SCGB2B2: variants seen among roughly 807,000 people sequenced by gnomAD.
SCGB2B2 encodes the protein secretoglobin family 2B member 2, also known as secretoglobin-like protein.
SCGB2B2 carries 11 observed loss-of-function variants against 7.6 expected under a neutral mutation model. The ratio of observed to expected loss-of-function variants is 1.45; its 90% CI spans 0.91 to 2.40. The LOEUF (loss-of-function observed/expected upper bound fraction) is 2.40, where lower values mean the gene tolerates loss of function less well. Ranked by LOEUF, SCGB2B2 falls within the 30% of genes most tolerant of loss-of-function variation. The pLI is 0.00. For missense variants in SCGB2B2, 104 were observed against 115.4 expected (o/e 0.90, Z 0.45); for synonymous variants, 50 against 48.6 (o/e 1.03, Z -0.12).
chr19:34,633,537 T>C (rs562078260), intron 1 of SCGB2B2, among the ~76,000 whole-genome samples: 18 of 152,272 alleles, frequency 1.2e-4, no homozygotes, highest in African/African-American at 4.1e-4. Flanking sequence ...TGTTATTCCA[T>C]TTATGTAAAG....
intron 1 of SCGB2B2, among the ~76,000 whole-genome samples, chr19:34,631,286 C>T (rs1268868907): frequency 6.6e-6 from 1 of 150,726 alleles, no homozygotes; most frequent in African/African-American, 2.4e-5. Context: ...AATTTGTAAA[C>T]TTTCTTAGAA....
Position 34,620,965 on chromosome 19 carries a change from T to A in SCGB2B2, c.-2031-24371A>T, listed in dbSNP as rs1183670779. 3.9e-5 allele frequency among the ~76,000 whole-genome samples: 6 copies of A among 152,314 alleles called. No individual in the cohort carries two copies. The East Asian group carries it at 1.2e-3, about 29-fold the overall frequency. On this transcript the variant is annotated intron_variant, in intron 1 of 3. Coordinates refer to ENST00000601241, the MANE Select transcript of SCGB2B2 (RefSeq NM_001025591.4). ...CAGTAATTATGTTTATGAGAATGTA[T>A]ACTGGGAAAACTTTCAAAATAAATT...
intron 1 of SCGB2B2, among the ~76,000 whole-genome samples, chr19:34,597,146 G>C (rs549549993): frequency 1.3e-5 from 2 of 152,070 alleles, no homozygotes; most frequent in South Asian, 2.1e-4. Context: ...ACTCACCTGT[G>C]ACTCCCATCA....
chr19:34,651,060 G>GT (rs1332867908), intron 1 of SCGB2B2, among the ~76,000 whole-genome samples: 1 of 151,220 alleles, frequency 6.6e-6, no homozygotes, highest in Non-Finnish European at 1.5e-5. Flanking sequence ...GTCCTTAATG[G>GT]TAAAAACTCT....
At chr19:34,635,407 A>G in intron 1 of SCGB2B2, 1 of 310,458 alleles carries the variant, frequency 3.2e-6, no homozygotes, top group East Asian at 8.9e-5. Context: ...CTTCTGCTGT[A>G]GGCTTTTCCA....
chr19:34,607,076 C>T (rs2065802052), intron 1 of SCGB2B2, among the ~76,000 whole-genome samples: 2 of 152,216 alleles, frequency 1.3e-5, no homozygotes, highest in Admixed American at 6.5e-5. Flanking sequence ...AGGCAACCAC[C>T]ATTCTACTCT....
rs937407546 is a variant in SCGB2B2 at position 34,656,102 on chromosome 19, C to T, written c.-2032+19528G>A. ...AAGGACATAGACAAAATGTTCTATGCAAGATATTGGCAAAGTGAATGAAAT... is the reference window on the plus strand; with the variant it reads ...AAGGACATAGACAAAATGTTCTATGTAAGATATTGGCAAAGTGAATGAAAT... On this transcript the variant is annotated intron_variant, in intron 1 of 3. Coordinates refer to ENST00000601241, the MANE Select transcript of SCGB2B2 (RefSeq NM_001025591.4). Among the ~76,000 whole-genome samples the T allele has an allele frequency of 4.6e-5, 7 of 151,184 alleles. 1 individual carries two copies. Among genetic ancestry groups the T allele is most frequent in the African/African-American group, 1.7e-4 (7 of 40,506 alleles).
chr19:34,659,091 C>A (rs912973533), intron 1 of SCGB2B2, among the ~76,000 whole-genome samples: 5 of 152,136 alleles, frequency 3.3e-5, no homozygotes, highest in Non-Finnish European at 5.9e-5. Context: ...ATTCATCAGC[C>A]TTTCATCCTA....
Position 34,658,771 on chromosome 19 carries a change from T to C in SCGB2B2, c.-2032+16859A>G, listed in dbSNP as rs1190917538. Among the ~76,000 whole-genome samples, 7 of 124,740 alleles carry C rather than the reference T, an allele frequency of 5.6e-5. No homozygotes were observed. The East Asian group carries it at 1.4e-3, about 25-fold the overall frequency. 81.8% of individuals were successfully genotyped at this position (124,740 alleles called of 152,430 possible). On this transcript the variant is annotated intron_variant, in intron 1 of 3. Coordinates refer to ENST00000601241, the MANE Select transcript of SCGB2B2 (RefSeq NM_001025591.4). ...GTTTATGAGGCCAGCATCATCCTGA[T>C]ACCAAAGCCTGGCAGAGACACAACA...
intron 1 of SCGB2B2, among the ~76,000 whole-genome samples, chr19:34,642,904 A>G (rs867534204): frequency 6.6e-6 from 1 of 152,124 alleles, no homozygotes; most frequent in Non-Finnish European, 1.5e-5. Context: ...AAGGACAAAA[A>G]CCAACAGACG....
At chr19:34,587,709 T>C (rs149965912), downstream of SCGB2B2, among the ~76,000 whole-genome samples, 79 of 152,344 alleles carry the variant, frequency 5.2e-4, no homozygotes, top group African/African-American at 1.7e-3. Context: ...ACATTCCTTC[T>C]ATACTCAGTT....
intron 1 of SCGB2B2, among the ~76,000 whole-genome samples, chr19:34,619,892 A>C (rs139823076): frequency 6.6e-6 from 1 of 152,314 alleles, no homozygotes; most frequent in Non-Finnish European, 1.5e-5. Flanking sequence ...AAGCTTTGTA[A>C]CTCAACTGCA....
chr19:34,649,812 T>C (rs2067117556), intron 1 of SCGB2B2, among the ~76,000 whole-genome samples: 3 of 151,262 alleles, frequency 2.0e-5, no homozygotes, highest in African/African-American at 7.4e-5. Flanking sequence ...CCTGATGCCC[T>C]TGGGACCTGA....
intron 1 of SCGB2B2, among the ~76,000 whole-genome samples, chr19:34,671,769 T>C (rs2067808867): frequency 6.6e-6 from 1 of 152,238 alleles, no homozygotes; most frequent in Non-Finnish European, 1.5e-5. Flanking sequence ...TTGATCATTG[T>C]ATACAGAAGT....
intron 1 of SCGB2B2, among the ~76,000 whole-genome samples, chr19:34,653,445 T>C (rs952351843): frequency 1.2e-4 from 18 of 151,292 alleles, no homozygotes; most frequent in African/African-American, 4.2e-4. Flanking sequence ...ATTGTATGCA[T>C]GTATTGAAAT....
chr19:34,639,741 C>CT (rs2066789503), intron 1 of SCGB2B2, among the ~76,000 whole-genome samples: 1 of 152,150 alleles, frequency 6.6e-6, no homozygotes, highest in Admixed American at 6.5e-5. Context: ...TTTGCTTACC[C>CT]TTTCTTCCTC....
downstream of SCGB2B2, among the ~76,000 whole-genome samples, chr19:34,588,636 G>A (rs2065232648): frequency 6.6e-6 from 1 of 152,228 alleles, no homozygotes; most frequent in Non-Finnish European, 1.5e-5. Context: ...GGGGTCGGAT[G>A]CTCCATCTCC....
chr19:34,638,472 C>A, intron 1 of SCGB2B2, among the ~76,000 whole-genome samples: 1 of 131,286 alleles, frequency 7.6e-6, no homozygotes, highest in South Asian at 2.4e-4. Flanking sequence ...AACACCCATC[C>A]CCCCCCAAAA....
chr19:34,665,799 G>T (rs1020145646), intron 1 of SCGB2B2, among the ~76,000 whole-genome samples: 1 of 152,050 alleles, frequency 6.6e-6, no homozygotes, highest in Non-Finnish European at 1.5e-5. Context: ...CCCAGCCCTG[G>T]GAGGCCCAGA....
Sources: allele counts gnomAD v4.1 joint callset (sites outside exome capture counted in the v4.1 genomes callset), GRCh38; gene constraint gnomAD v4.1.1; transcripts MANE v1.5; gene names NCBI Gene and HGNC (gene_info 2026-07-23, HGNC 2026-07-21).